The following ADAM12 variants were observed in gnomAD, a reference collection of about 807,000 sequenced individuals.
ADAM12 encodes ADAM metallopeptidase domain 12, also known as disintegrin and metalloproteinase domain-containing protein 12.
A neutral mutation model predicts 106.4 loss-of-function variants in ADAM12; 70 were observed. The observed-to-expected ratio is 0.66, with a 90% CI of 0.54 to 0.80. The LOEUF (loss-of-function observed/expected upper bound fraction) is 0.80, where lower values mean the gene tolerates loss of function less well. Ranked by LOEUF, ADAM12 falls within the 30% of genes least tolerant of loss-of-function variation. The pLI, the probability that ADAM12 is intolerant of heterozygous loss-of-function variation, is 0.00. For synonymous variants in ADAM12, 420 were observed against 433.5 expected (o/e 0.97, Z 0.39); for missense variants, 1,010 against 1,171.9 (o/e 0.86, Z 2.02).
intron 2 of ADAM12, among the ~76,000 whole-genome samples, chr10:126,311,749 C>A (rs1426426126): frequency 1.3e-5 from 2 of 152,188 alleles, no homozygotes; most frequent in Non-Finnish European, 2.9e-5. Context: ...TGCACTGCAA[C>A]TCCACGGGGA....
chr10:126,158,372 G>A (rs1956860695), intron 3 of ADAM12, among the ~76,000 whole-genome samples: 1 of 48,380 alleles, frequency 2.1e-5, no homozygotes, highest in Non-Finnish European at 5.1e-5. Flanking sequence ...CAGAGCATGG[G>A]AAGATGCACA....
intron 17 of ADAM12, 89 bp downstream of exon 17, chr10:126,045,966 G>T: frequency 8.6e-7 from 1 of 1,167,124 alleles, no homozygotes; most frequent in Non-Finnish European, 1.3e-6. Flanking sequence ...TTTAAAAAAT[G>T]CTATGGATTG....
At chr10:126,265,078 C>T (rs2133719313) in intron 3 of ADAM12, among the ~76,000 whole-genome samples, 1 of 152,290 alleles carries the variant, frequency 6.6e-6, no homozygotes, top group South Asian at 2.1e-4. Flanking sequence ...TAAGAAGCTA[C>T]TCCAGGACAG....
At chr10:126,157,050 C>G (rs112494894) in intron 3 of ADAM12, among the ~76,000 whole-genome samples, 2,919 of 152,146 alleles carry the variant, frequency 0.019, 59 homozygotes, top group South Asian at 0.063. Flanking sequence ...TGCTCCTCCA[C>G]TCTTGATCCA....
At chr10:126,037,429 C>T (rs920292390) in intron 20 of ADAM12, among the ~76,000 whole-genome samples, 1 of 152,302 alleles carries the variant, frequency 6.6e-6, no homozygotes, top group East Asian at 1.9e-4. Flanking sequence ...TGGCAGCCTC[C>T]TCCTTGGAGC....
intron 1 of ADAM12, among the ~76,000 whole-genome samples, chr10:126,338,119 T>C (rs910029229): frequency 2.6e-5 from 4 of 152,172 alleles, no homozygotes; most frequent in African/African-American, 9.7e-5. Context: ...AGTTATAGCT[T>C]CTCATAAATG....
intron 3 of ADAM12, among the ~76,000 whole-genome samples, chr10:126,155,529 C>T (rs549207252): frequency 2.6e-4 from 39 of 152,226 alleles, no homozygotes; most frequent in Middle Eastern, 6.8e-3. Flanking sequence ...GGAACAATAG[C>T]CCACACACTC....
intron 2 of ADAM12, among the ~76,000 whole-genome samples, chr10:126,307,028 T>C (rs972460659): frequency 2.6e-5 from 4 of 152,226 alleles, no homozygotes; most frequent in Admixed American, 2.0e-4. Flanking sequence ...CCATGTGGCT[T>C]CTGTGCTCTG....
chr10:126,218,446 A>T (rs145185801), intron 3 of ADAM12, among the ~76,000 whole-genome samples: 7 of 152,300 alleles, frequency 4.6e-5, no homozygotes, highest in Non-Finnish European at 8.8e-5. Context: ...CTTGGAACTG[A>T]CTGCTATGCA....
chr10:126,085,926 G>A (rs1227187011), intron 11 of ADAM12, among the ~76,000 whole-genome samples: 1 of 152,200 alleles, frequency 6.6e-6, no homozygotes, highest in Non-Finnish European at 1.5e-5. Context: ...ATTGTCTGTT[G>A]TAGAGAAGTC....
intron 3 of ADAM12, among the ~76,000 whole-genome samples, chr10:126,250,563 TA>T (rs1958726249): frequency 2.6e-5 from 4 of 152,370 alleles, no homozygotes; most frequent in East Asian, 3.9e-4. Context: ...TTTTTCTGAT[TA>T]TTTTTTTGTG....
At chr10:126,162,811 T>C (rs1956960083) in intron 3 of ADAM12, among the ~76,000 whole-genome samples, 1 of 152,084 alleles carries the variant, frequency 6.6e-6, no homozygotes, top group African/African-American at 2.4e-5. Flanking sequence ...AGAAGAGACA[T>C]GAGTTCAGTC....
At chr10:126,127,153 C>T (rs992565652) in intron 5 of ADAM12, among the ~76,000 whole-genome samples, 1 of 152,130 alleles carries the variant, frequency 6.6e-6, no homozygotes, top group African/African-American at 2.4e-5. Flanking sequence ...AGGAGTTTAC[C>T]CGGATGTCCA....
At chr10:126,251,238 C>T (rs73384727) in intron 3 of ADAM12, among the ~76,000 whole-genome samples, 5,567 of 152,302 alleles carry the variant, frequency 0.037, 338 homozygotes, top group African/African-American at 0.12. Flanking sequence ...GTTCGTTGTG[C>T]TTTCCTCCAG....
chr10:126,088,561 T>C (rs905388048), intron 11 of ADAM12, among the ~76,000 whole-genome samples: 4 of 121,748 alleles, frequency 3.3e-5, no homozygotes, highest in African/African-American at 1.4e-4. Context: ...AAAAAAAAAA[T>C]TAGCTGGGCA....
chr10:126,232,812 A>C (rs186023165), intron 3 of ADAM12, among the ~76,000 whole-genome samples: 38 of 152,348 alleles, frequency 2.5e-4, no homozygotes, highest in African/African-American at 8.7e-4. Flanking sequence ...GGTTAGAACT[A>C]GACAAATAGT....
intron 14 of ADAM12, among the ~76,000 whole-genome samples, chr10:126,059,448 G>C (rs958429968): frequency 2.0e-5 from 3 of 152,168 alleles, no homozygotes; most frequent in Non-Finnish European, 4.4e-5. Context: ...GAACAAATTT[G>C]ATCATTTCTT....
intron 10 of ADAM12, among the ~76,000 whole-genome samples, chr10:126,097,953 T>A (rs1246595860): frequency 6.6e-6 from 1 of 152,246 alleles, no homozygotes; most frequent in African/African-American, 2.4e-5. Context: ...CCAGAAGGCA[T>A]GTAAAGCATT....
At chr10:126,162,060 C>T (rs11244854) in intron 3 of ADAM12, among the ~76,000 whole-genome samples, 39,788 of 152,048 alleles carry the variant, frequency 0.26, 5,641 homozygotes, top group South Asian at 0.51. Flanking sequence ...TAAATATTCT[C>T]TCATTTAAAC....
Sources: allele counts gnomAD v4.1 joint callset (sites outside exome capture counted in the v4.1 genomes callset), GRCh38; gene constraint gnomAD v4.1.1; transcripts MANE v1.5; gene names NCBI Gene and HGNC (gene_info 2026-07-23, HGNC 2026-07-21).